SDK1: variants seen among roughly 807,000 people sequenced by gnomAD.
SDK1 encodes the protein sidekick cell adhesion molecule 1, also known as protein sidekick-1.
SDK1 carries 157 observed loss-of-function variants against 245.5 expected under a neutral mutation model. The observed-to-expected ratio is 0.64, with a 90% CI of 0.56 to 0.73. The LOEUF is 0.73. Ranked by LOEUF, SDK1 falls within the 30% of genes least tolerant of loss-of-function variation. The pLI is 0.00. For missense variants in SDK1, 3,583 were observed against 3,002.3 expected, an observed-to-expected ratio of 1.19 and a Z score of -4.52; for synonymous variants, 1,647 against 1,278.5, an observed-to-expected ratio of 1.29 and a Z score of -6.15.
intron 4 of SDK1, among the ~76,000 whole-genome samples, chr7:3,771,697 T>A (rs1403522876): frequency 6.6e-6 from 1 of 152,238 alleles, no homozygotes; most frequent in African/African-American, 2.4e-5. Context: ...ATTTTTCAAA[T>A]GTCCTTTTAA....
chr7:4,210,178 G>C lies in SDK1; in HGVS notation c.5539+16G>C. ...CCTGTACAAGGTAAGACCCGGGGTT[G>C]GGGAGATGGGAGCGCGGGCCACACC... On this transcript the variant is annotated intron_variant, in intron 38 of 44. Coordinates refer to ENST00000404826, the MANE Select transcript of SDK1 (RefSeq NM_152744.4). The C allele has an allele frequency of 2.6e-6, 4 of 1,529,854 alleles. No homozygotes were observed. The highest frequency in any genetic ancestry group is 3.5e-6 in the Non-Finnish European group (4 of 1,140,024). 94.8% of individuals were successfully genotyped at this position (1,529,854 alleles called of 1,614,324 possible).
intron 16 of SDK1, among the ~76,000 whole-genome samples, chr7:4,015,081 T>A (rs920338013): frequency 3.3e-5 from 5 of 152,120 alleles, no homozygotes; most frequent in African/African-American, 1.2e-4. Flanking sequence ...GTATATATAT[T>A]TAGGGAGTGC....
intron 5 of SDK1, among the ~76,000 whole-genome samples, chr7:3,824,282 C>G (rs1548614): frequency 1.3e-5 from 2 of 152,192 alleles, no homozygotes; most frequent in South Asian, 4.1e-4. Flanking sequence ...TGTGGAAACA[C>G]CACACAAGAT....
intron 1 of SDK1, among the ~76,000 whole-genome samples, chr7:3,405,751 CTTAG>C (rs2128575387): frequency 6.6e-6 from 1 of 151,402 alleles, no homozygotes; most frequent in South Asian, 2.1e-4. Flanking sequence ...CTTGATTGTA[CTTAG>C]TTATTTACTG....
chr7:3,563,814 A>C (rs10230471), intron 1 of SDK1, among the ~76,000 whole-genome samples: 2 of 152,328 alleles, frequency 1.3e-5, no homozygotes, highest in South Asian at 4.1e-4. Context: ...AGAAGCCTCA[A>C]TTTCCCAGGA....
chr7:4,031,265 A>G (rs1439083957), intron 17 of SDK1, among the ~76,000 whole-genome samples: 3 of 152,242 alleles, frequency 2.0e-5, no homozygotes, highest in African/African-American at 7.2e-5. Flanking sequence ...GTGTAATTGA[A>G]AATCTAAAGC....
chr7:4,213,168 C>T (rs1435442541), intron 38 of SDK1, among the ~76,000 whole-genome samples: 4 of 152,092 alleles, frequency 2.6e-5, no homozygotes, highest in Non-Finnish European at 4.4e-5. Context: ...AATCCCAGCA[C>T]TTTGGGAGGA....
intron 4 of SDK1, among the ~76,000 whole-genome samples, chr7:3,713,202 A>G (rs1785098604): frequency 6.6e-6 from 1 of 152,230 alleles, no homozygotes; most frequent in Non-Finnish European, 1.5e-5. Flanking sequence ...CAGCGAATTG[A>G]TGGATGATGA....
intron 26 of SDK1, among the ~76,000 whole-genome samples, chr7:4,128,931 T>C (rs374406269): frequency 3.9e-5 from 4 of 102,078 alleles, no homozygotes; most frequent in African/African-American, 1.1e-4. Context: ...CAGCTTGGGG[T>C]GGGGTCCCCT....
chr7:4,197,649 G>A (rs1783661619), intron 35 of SDK1, among the ~76,000 whole-genome samples: 1 of 152,192 alleles, frequency 6.6e-6, no homozygotes, highest in Admixed American at 6.5e-5. Context: ...GCCTGGTGCT[G>A]GCGTCAGGCT....
intron 11 of SDK1, 59 bp from the exon 12 acceptor site, chr7:3,971,407 G>A: frequency 1.6e-6 from 2 of 1,214,650 alleles, no homozygotes; most frequent in Non-Finnish European, 2.4e-6. Context: ...TATCCCCCCT[G>A]AGGGCAGAAA....
intron 1 of SDK1, among the ~76,000 whole-genome samples, chr7:3,568,447 C>G (rs957041411): frequency 6.6e-6 from 1 of 152,010 alleles, no homozygotes; most frequent in Non-Finnish European, 1.5e-5. Context: ...ATTTTAGTTT[C>G]TTCTGGCCGG....
At chr7:4,225,118 G>T (rs1005777468) in intron 40 of SDK1, among the ~76,000 whole-genome samples, 1 of 151,816 alleles carries the variant, frequency 6.6e-6, no homozygotes, top group Admixed American at 6.6e-5. Flanking sequence ...CAGCAGATGG[G>T]TGGCTGTCAC....
chr7:3,878,172 C>G (rs1405332404), intron 5 of SDK1, among the ~76,000 whole-genome samples: 2 of 152,160 alleles, frequency 1.3e-5, no homozygotes, highest in African/African-American at 4.8e-5. Flanking sequence ...CAAACAGTAT[C>G]TTTTCAATTT....
At chr7:3,727,693 G>GTT (rs1304857927) in intron 4 of SDK1, among the ~76,000 whole-genome samples, 7 of 152,038 alleles carry the variant, frequency 4.6e-5, no homozygotes, top group Non-Finnish European at 1.0e-4. Flanking sequence ...GTTTCACCAT[G>GTT]TTGGCCGGGC....
At chr7:3,586,423 C>T (rs534019548) in intron 1 of SDK1, among the ~76,000 whole-genome samples, 166 of 151,724 alleles carry the variant, frequency 1.1e-3, no homozygotes, top group African/African-American at 3.8e-3. Flanking sequence ...CAGGGCCGGG[C>T]GCGGTGGCTC....
At chr7:4,059,556 A>G (rs1779406351) in intron 19 of SDK1, among the ~76,000 whole-genome samples, 1 of 152,194 alleles carries the variant, frequency 6.6e-6, no homozygotes, top group African/African-American at 2.4e-5. Flanking sequence ...ATAACAAAGA[A>G]ACATTGGATT....
chr7:4,037,277 A>C (rs1788289484), intron 17 of SDK1, among the ~76,000 whole-genome samples: 1 of 152,218 alleles, frequency 6.6e-6, no homozygotes, highest in Admixed American at 6.5e-5. Flanking sequence ...GGGAGAACTG[A>C]TGTTAGTAAC....
intron 20 of SDK1, among the ~76,000 whole-genome samples, chr7:4,071,845 C>T (rs140201184): frequency 1.3e-5 from 2 of 152,298 alleles, no homozygotes; most frequent in East Asian, 1.9e-4. Flanking sequence ...TTCAGGTCTG[C>T]AGTCGGCCAT....
Sources: allele counts gnomAD v4.1 joint callset (sites outside exome capture counted in the v4.1 genomes callset), GRCh38; gene constraint gnomAD v4.1.1; transcripts MANE v1.5; gene names NCBI Gene and HGNC (gene_info 2026-07-23, HGNC 2026-07-21).